The following BTD variants were observed in gnomAD, a reference collection of about 807,000 sequenced individuals.
BTD encodes the protein biotinidase.
Under a neutral mutation model 17.7 loss-of-function variants are expected in BTD, and 13 were observed. The observed-to-expected ratio is 0.74, with a 90% CI of 0.48 to 1.17. The LOEUF is 1.17. BTD is among the 50% of genes most tolerant of loss of function. The pLI is 0.00. For missense variants in BTD, 674 were observed against 650.4 expected, an observed-to-expected ratio of 1.04 and a Z score of -0.39; for synonymous variants, 240 against 245.2, an observed-to-expected ratio of 0.98 and a Z score of 0.20.
At chr3:15,603,381 G>T (rs1223045987) in intron 1 of BTD, among the ~76,000 whole-genome samples, 1 of 152,232 alleles carries the variant, frequency 6.6e-6, no homozygotes. Flanking sequence ...CTAGTGGCTG[G>T]GCGCAGTGGC....
intron 1 of BTD, among the ~76,000 whole-genome samples, chr3:15,624,947 G>T (rs931514760): frequency 6.6e-6 from 1 of 152,150 alleles, no homozygotes; most frequent in African/African-American, 2.4e-5. Flanking sequence ...TGGCCAGGCT[G>T]GTCTTGAACT....
In BTD at chr3:15,648,225, A is replaced by T. The variant is rs1011782872; in HGVS notation, c.*2737A>T. Among the ~76,000 whole-genome samples the T allele has an allele frequency of 4.6e-5, 7 of 152,064 alleles. No individual in the cohort carries two copies. The highest frequency in any genetic ancestry group is 1.0e-4 in the Non-Finnish European group (7 of 68,022). ...AACTCAGAACCGCTCAAGTGAAATG[A>T]CCACTCAAAGAACAATTTCTCAACA... On this transcript the variant is annotated 3_prime_UTR_variant, in exon 4 of 4. Coordinates refer to ENST00000643237, the MANE Select transcript of BTD (RefSeq NM_001370658.1).
intron 3 of BTD, chr3:15,695,069 G>T: frequency 3.5e-6 from 3 of 857,140 alleles, no homozygotes; most frequent in Non-Finnish European, 5.7e-6. Context: ...TTCTGTCACC[G>T]TCTTTGTGCC....
intron 1 of BTD, among the ~76,000 whole-genome samples, chr3:15,612,327 TA>T (rs905821992): frequency 3.9e-5 from 6 of 152,232 alleles, no homozygotes; most frequent in African/African-American, 1.4e-4. Context: ...CCTGAGTTCT[TA>T]TATTTTCATA....
Position 15,635,220 on chromosome 3 carries a change from CAGTG to C in BTD, c.-16-201_-16-198del. ...ATGTTCTAAAACCAGACTATTAACA[CAGTG>C]AGCCATTTTAAATGTGGCTTGCTAC... On this transcript the variant is annotated intron_variant, in intron 1 of 3. Coordinates refer to ENST00000643237, the MANE Select transcript of BTD (RefSeq NM_001370658.1). The surrounding 1 kb of genome is among the most constrained non-coding windows in gnomAD (Gnocchi z 4.1). Among the ~76,000 whole-genome samples, 1 of 152,148 alleles carries C rather than the reference CAGTG, an allele frequency of 6.6e-6. No homozygotes were observed. Among genetic ancestry groups the C allele is most frequent in the South Asian group, 2.1e-4 (1 of 4,832 alleles).
rs549678128 is a variant in BTD at position 15,719,276 on chromosome 3, C to T, written c.1016-2494C>T. On this transcript the variant is annotated intron_variant, in intron 4 of 4. Coordinates refer to the BTD transcript ENST00000672427. Reference sequence around the variant, plus strand: ...ACCCGTGGCATCATTAAAGGCTTCACTGAAGTTAGGTGAGAAAATCTCATG... The same window carrying T: ...ACCCGTGGCATCATTAAAGGCTTCATTGAAGTTAGGTGAGAAAATCTCATG... 2.2e-4 allele frequency among the ~76,000 whole-genome samples: 33 copies of T among 152,250 alleles called. No individual in the cohort carries two copies. The South Asian group carries it at 3.5e-3, about 16-fold the overall frequency.
chr3:15,616,846 A>T (rs2064806001), intron 1 of BTD, among the ~76,000 whole-genome samples: 1 of 149,714 alleles, frequency 6.7e-6, no homozygotes, highest in Non-Finnish European at 1.5e-5. Context: ...TTATTTATGT[A>T]TTTTTTTTTC....
At chr3:15,697,829 T>A (rs534318967) in intron 3 of BTD, among the ~76,000 whole-genome samples, 1 of 152,350 alleles carries the variant, frequency 6.6e-6, no homozygotes, top group Admixed American at 6.5e-5. Flanking sequence ...TTTGTACCTC[T>A]GGTAGAATTC....
intron 1 of BTD, 21 bp downstream of exon 1, chr3:15,601,915 G>C (rs774790683): frequency 1.9e-5 from 31 of 1,612,858 alleles, no homozygotes; most frequent in African/African-American, 2.7e-5. Flanking sequence ...GGCGTGGTGC[G>C]GCGCGGAGGG....
intron 3 of BTD, chr3:15,707,941 T>C (rs751803087): frequency 1.2e-6 from 2 of 1,613,326 alleles, no homozygotes; most frequent in Middle Eastern, 1.7e-4. Flanking sequence ...CTGTGTCTGA[T>C]GTAGCTGCAT....
intron 3 of BTD, among the ~76,000 whole-genome samples, chr3:15,674,958 T>C (rs372009578): frequency 6.6e-6 from 1 of 152,068 alleles, no homozygotes; most frequent in East Asian, 1.9e-4. Flanking sequence ...GGCCTGACTA[T>C]ACGGAAATTA....
chr3:15,686,188 T>C (rs752766262), intron 3 of BTD: 1 of 1,590,296 alleles, frequency 6.3e-7, no homozygotes, highest in Non-Finnish European at 8.6e-7. Context: ...AAATACGCCC[T>C]TCTGTGATGC....
At chr3:15,689,585 TG>T (rs1356862064) in intron 3 of BTD, among the ~76,000 whole-genome samples, 1 of 152,250 alleles carries the variant, frequency 6.6e-6, no homozygotes, top group Non-Finnish European at 1.5e-5. Flanking sequence ...ACAGTTTTAA[TG>T]ACTTCTTAAA....
Position 15,666,468 on chromosome 3 carries a change from G to A in BTD, c.399+24411G>A, listed in dbSNP as rs886490099. On this transcript the variant is annotated intron_variant, in intron 3 of 3. Transcript: ENST00000672141. ...ACCTACCACGTAGAACAGTTGTGTG[G>A]GTTAAGAGATAATTTATTTCAAGTA... Among the ~76,000 whole-genome samples, 34 of 152,248 alleles carry A rather than the reference G, an allele frequency of 2.2e-4. 5 individuals are homozygous for A. The highest frequency in any genetic ancestry group is 9.8e-4 in the Admixed American group (15 of 15,290).
Position 15,645,346 on chromosome 3 carries a change from C to CT in BTD, c.1433dup (p.Leu478PhefsTer13), listed in dbSNP as rs397514425. On this transcript the variant is annotated frameshift_variant, in exon 4 of 4. Coordinates refer to ENST00000643237, the MANE Select transcript of BTD (RefSeq NM_001370658.1). LOFTEE classifies it high-confidence loss of function. The stretch of plus-strand genomic sequence containing the variant: ...AACTTCAGTACTTCCTATATCTTTC[C>CT]TTTGTTTCTGACCTCAGGGATGACC... The CT allele has an allele frequency of 6.2e-7, 1 of 1,614,184 alleles. No individual in the cohort carries two copies. Among genetic ancestry groups the CT allele is most frequent in the East Asian group, 2.2e-5 (1 of 44,878 alleles).
chr3:15,604,251 C>A (rs1275352033), intron 1 of BTD, among the ~76,000 whole-genome samples: 1 of 152,368 alleles, frequency 6.6e-6, no homozygotes, highest in South Asian at 2.1e-4. Context: ...GCAGAGGTTC[C>A]CAAACCTCAA....
At chr3:15,617,741 A>G (rs1559581880) in intron 1 of BTD, among the ~76,000 whole-genome samples, 1 of 152,194 alleles carries the variant, frequency 6.6e-6, no homozygotes, top group Non-Finnish European at 1.5e-5. Flanking sequence ...ATAAATAAAT[A>G]AGACCAGTTG....
downstream of BTD, chr3:15,714,521 A>T: frequency 1.6e-6 from 2 of 1,278,262 alleles, no homozygotes; most frequent in Non-Finnish European, 2.1e-6. Context: ...GGATGTTTTT[A>T]CTACATTTAA....
At chr3:15,707,906 C>G in intron 3 of BTD, 2 of 1,600,958 alleles carry the variant, frequency 1.2e-6, no homozygotes, top group South Asian at 2.2e-5. Context: ...CCTCCACTCT[C>G]ACTCCTATGG....
Sources: gnomAD v4.1 joint callset for allele counts (sites outside exome capture counted in the v4.1 genomes callset) on GRCh38, gnomAD v4.1.1 for gene constraint, Gnocchi (gnomAD v3.1) non-coding constraint, MANE v1.5 for transcripts, NCBI Gene and HGNC (gene_info 2026-07-23, HGNC 2026-07-21) for gene names.